FGF11: variants seen among roughly 807,000 people sequenced by gnomAD.
FGF11 encodes the protein fibroblast growth factor homologous factor 3.
A neutral mutation model predicts 25.1 loss-of-function variants in FGF11; 25 were observed. The observed-to-expected ratio is 1.00, with a 90% confidence interval of 0.73 to 1.39. FGF11 has a LOEUF of 1.39. Ranked by LOEUF, FGF11 falls within the 40% of genes most tolerant of loss-of-function variation. The pLI, the probability that FGF11 is intolerant of heterozygous loss-of-function variation, is 0.00. For synonymous variants in FGF11, 130 were observed against 128.9 expected, an observed-to-expected ratio of 1.01 and a Z score of -0.06; for missense variants, 320 against 311.0, an observed-to-expected ratio of 1.03 and a Z score of -0.22.
intron 3 of FGF11, 169 bp from the exon 4 acceptor site, chr17:7,442,425 C>T: frequency 6.9e-7 from 1 of 1,454,556 alleles, no homozygotes; most frequent in Non-Finnish European, 9.0e-7. Context: ...TCTTAGCCCT[C>T]AGCCCTCTTC....
chr17:7,441,365 C>T, intron 1 of FGF11, 106 bp from the exon 2 acceptor site: 1 of 1,484,950 alleles, frequency 6.7e-7, no homozygotes, highest in Non-Finnish European at 9.1e-7. Flanking sequence ...CCCTGGGACC[C>T]TCTTCCTTCC....
At position 7,439,578 on chromosome 17, in the gene FGF11, T is replaced by C. The variant is rs1908213463; in HGVS notation, c.-43T>C. On this transcript the variant is annotated 5_prime_UTR_variant, in exon 1 of 5. Coordinates refer to ENST00000293829, the MANE Select transcript of FGF11 (RefSeq NM_004112.4). ...GCTCCTCTGGGGGAGCCCAGCGCGC[T>C]CCGGGCGCCTGCCGGTTTGGGGGTG... 5.1e-6 allele frequency: 7 copies of C among 1,375,972 alleles called. No individual in the cohort carries two copies. In the East Asian group the frequency reaches 1.8e-4, roughly 36 times the overall value. 85.2% of individuals were successfully genotyped at this position (1,375,972 alleles called of 1,614,324 possible). A position where few individuals can be genotyped will look rare whatever the true frequency, so the allele number is the denominator to read the frequency against.
upstream of FGF11, chr17:7,439,069 A>T (rs539256637): frequency 6.6e-6 from 1 of 151,898 alleles, no homozygotes; most frequent in South Asian, 2.1e-4. Context: ...AAAGTGGGGG[A>T]TCCCCTCCAT....
rs1265398995 is a variant in FGF11, at chr17:7,443,072, AC to A, written c.608-3del. The stretch of plus-strand genomic sequence containing the variant: ...CCCTGCTCCTCTCTTTCTCCCCTTC[AC>A]AGTGGCCATGTACCAGGAGCCTTCT... On this transcript the variant is annotated splice_polypyrimidine_tract_variant and splice_region_variant and intron_variant, in intron 4 of 4. Transcript: ENST00000293829. 1 of 1,610,108 alleles carries A rather than the reference AC, an allele frequency of 6.2e-7. No homozygotes were observed. The highest frequency in any genetic ancestry group is 1.3e-5 in the African/African-American group (1 of 74,834).
upstream of FGF11, chr17:7,438,512 G>T (rs1362448054): frequency 2.6e-5 from 4 of 153,238 alleles, no homozygotes; most frequent in Admixed American, 6.5e-5. Flanking sequence ...CCCGTCGCCG[G>T]ATCAACAGGA....
Position 7,440,910 on chromosome 17 carries a change from A to T in FGF11, c.194-561A>T. ...GGCCCCCGGGAGCCAGCGGACTGAC[A>T]GACAGACAGACAGACAGACAGATGG... On this transcript the variant is annotated intron_variant, in intron 1 of 4. Transcript: ENST00000293829. This position sits in a 1 kb window ranked among gnomAD's most constrained non-coding sequence, Gnocchi z 5.4. 4 of 969,176 alleles carry T rather than the reference A, an allele frequency of 4.1e-6. No individual in the cohort carries two copies. The highest frequency in any genetic ancestry group is 4.9e-6 in the Non-Finnish European group (4 of 813,742). The allele number at this position is 969,176 out of a possible 1,614,324, so 60.0% of individuals were successfully genotyped here.
chr17:7,439,691 T>C lies in FGF11; in HGVS notation c.71T>C (p.Val24Ala). Residue 24 changes from valine to alanine, a missense_variant, in exon 1 of 5, where the codon GTG (valine) becomes GCG (alanine). Physicochemically the swap from Val to Ala is moderately conservative, Grantham distance 64. Coordinates refer to ENST00000293829, the MANE Select transcript of FGF11 (RefSeq NM_004112.4). The stretch of plus-strand genomic sequence containing the variant: ...CGCGAGCCCGGGGGCAGCCGGCCGG[T>C]GTCGGCGCAGCGGCGCGTGTGTCCC... The part of the protein sequence containing the change: ...EVREPGGSRP[V>A]SAQRRVCPRG... 6.4e-7 allele frequency: 1 copy of C among 1,553,912 alleles called. No homozygotes were observed. The highest frequency in any genetic ancestry group is 2.5e-5 in the East Asian group (1 of 39,726).
Position 7,444,018 on chromosome 17 carries a change from C to G in FGF11, c.*872C>G, listed in dbSNP as rs1044411510. 1.3e-5 allele frequency: 2 copies of G among 152,136 alleles called. No homozygotes were observed. Among genetic ancestry groups the G allele is most frequent in the African/African-American group, 2.4e-5 (1 of 41,422 alleles). The allele number at this position is 152,136 out of a possible 1,614,324, so 9.4% of individuals were successfully genotyped here. A position where few individuals can be genotyped will look rare whatever the true frequency, so the allele number is the denominator to read the frequency against. Reference sequence around the variant, plus strand: ...CACCCTCCCGCCTTCTTGAGTGATACCTATTACGGATGAGTTCTGGAAAAG... The same window carrying G: ...CACCCTCCCGCCTTCTTGAGTGATAGCTATTACGGATGAGTTCTGGAAAAG... On this transcript the variant is annotated 3_prime_UTR_variant, in exon 5 of 5. Coordinates refer to ENST00000293829, the MANE Select transcript of FGF11 (RefSeq NM_004112.4).
chr17:7,441,982 C>T (rs984521721), intron 3 of FGF11, 103 bp downstream of exon 3: 12 of 845,182 alleles, frequency 1.4e-5, no homozygotes, highest in African/African-American at 6.8e-5. Context: ...ACATTTTGCC[C>T]GGGACTCCTC....
At chr17:7,442,495 CA>C in intron 3 of FGF11, 98 bp from the exon 4 acceptor site, 1 of 1,359,640 alleles carries the variant, frequency 7.4e-7, no homozygotes, top group Admixed American at 2.0e-5. Flanking sequence ...CCCCCTCCCC[CA>C]AAAAGGATTT....
rs1597741591 is a variant in FGF11 at position 7,439,517 on chromosome 17, G to C, written c.-104G>C. The C allele has an allele frequency of 3.1e-6, 3 of 954,558 alleles. No individual in the cohort carries two copies. The highest frequency in any genetic ancestry group is 1.7e-5 in the African/African-American group (1 of 57,220). 59.1% of individuals were successfully genotyped at this position (954,558 alleles called of 1,614,324 possible). A position where few individuals can be genotyped will look rare whatever the true frequency, so the allele number is the denominator to read the frequency against. On this transcript the variant is annotated 5_prime_UTR_variant, in exon 1 of 5. Coordinates refer to ENST00000293829, the MANE Select transcript of FGF11 (RefSeq NM_004112.4). ...GGTCCTGTGGGTGGGGCAGCGAGTC[G>C]GGGCCTGAGCGTCAAGAGCATGCCC...
At position 7,443,113 on chromosome 17, in the gene FGF11, C is replaced by A. The variant is rs201355356; in HGVS notation, c.645C>A (p.Pro215=). 1.9e-4 allele frequency: 310 copies of A among 1,611,828 alleles called. No homozygotes were observed. The highest frequency in any genetic ancestry group is 2.5e-4 in the Non-Finnish European group (300 of 1,178,386). Residue 215 remains proline (P), a synonymous_variant, in exon 5 of 5, where the codon CCC becomes CCA. Transcript: ENST00000293829. ...AGGAGCCTTCTCTCCACAGTGTCCCCGAGGCCTCCCCTTCCAGTCCCCCTG... is the reference window on the plus strand; with the variant it reads ...AGGAGCCTTCTCTCCACAGTGTCCCAGAGGCCTCCCCTTCCAGTCCCCCTG... ...MYQEPSLHSV[P]EASPSSPPAP
intron 3 of FGF11, chr17:7,442,156 C>A: frequency 2.5e-6 from 1 of 394,696 alleles, no homozygotes; most frequent in Non-Finnish European, 4.5e-6. Flanking sequence ...CCACCTCCTC[C>A]AGATTTTGTC....
At chr17:7,442,976 G>A (rs1378377325) in intron 4 of FGF11, 100 bp from the exon 5 acceptor site, 1 of 1,176,832 alleles carries the variant, frequency 8.5e-7, no homozygotes, top group East Asian at 2.3e-5. Context: ...TTCTTGGAGG[G>A]TGAATGTACG....
intron 3 of FGF11, 117 bp from the exon 4 acceptor site, chr17:7,442,477 G>T: frequency 6.4e-7 from 1 of 1,552,460 alleles, no homozygotes. Context: ...GGACTCAGAA[G>T]TTGTCCTCCC....
Position 7,442,446 on chromosome 17 carries a change from C to T in FGF11, c.409-148C>T, listed in dbSNP as rs1281008234. Reference sequence around the variant, plus strand: ...CCCTCAGCCCTCTTCCTTGTCCTCCCTTTGCTCCCAGGTCCTACATGGACT... The same window carrying T: ...CCCTCAGCCCTCTTCCTTGTCCTCCTTTTGCTCCCAGGTCCTACATGGACT... On this transcript the variant is annotated intron_variant, in intron 3 of 4. Coordinates refer to ENST00000293829, the MANE Select transcript of FGF11 (RefSeq NM_004112.4). 15 of 1,496,682 alleles carry T rather than the reference C, an allele frequency of 1.0e-5. No individual in the cohort carries two copies. In the East Asian group the frequency reaches 3.5e-4, roughly 35 times the overall value. The allele number at this position is 1,496,682 out of a possible 1,614,324, so 92.7% of individuals were successfully genotyped here.
At position 7,441,887 on chromosome 17, in the gene FGF11, AAT is replaced by A. The variant is rs1340649019; in HGVS notation, c.408+9_408+10del. On this transcript the variant is annotated intron_variant, in intron 3 of 4. Coordinates refer to ENST00000293829, the MANE Select transcript of FGF11 (RefSeq NM_004112.4). ...GGACTGCTCTACAGTTCGGTGAGACAATGAGGCTGAGTGGCCGGGAAATACTG... is the reference window on the plus strand; with the variant it reads ...GGACTGCTCTACAGTTCGGTGAGACAGAGGCTGAGTGGCCGGGAAATACTG... The A allele has an allele frequency of 1.3e-6, 2 of 1,576,530 alleles. No homozygotes were observed. Among genetic ancestry groups the A allele is most frequent in the Non-Finnish European group, 1.7e-6 (2 of 1,161,830 alleles).
rs3838886 is a variant in FGF11, at chr17:7,440,220, GCC to G, written c.193+415_193+416del. On this transcript the variant is annotated intron_variant, in intron 1 of 4. Coordinates refer to ENST00000293829, the MANE Select transcript of FGF11 (RefSeq NM_004112.4). The surrounding 1 kb of genome is among the most constrained non-coding windows in gnomAD (Gnocchi z 5.4). ...AGGATTTCTGCAGCTCCAGCCGCACGCCCCCCCCCAGCCCCCGCCTGCCCCGG... is the reference window on the plus strand; with the variant it reads ...AGGATTTCTGCAGCTCCAGCCGCACGCCCCCCCAGCCCCCGCCTGCCCCGG... 8 of 155,714 alleles carry G rather than the reference GCC, an allele frequency of 5.1e-5. No homozygotes were observed. The highest frequency in any genetic ancestry group is 9.7e-5 in the Non-Finnish European group (7 of 72,230). 9.6% of individuals were successfully genotyped at this position (155,714 alleles called of 1,614,324 possible).
At position 7,442,796 on chromosome 17, in the gene FGF11, G is replaced by C. The variant is rs1908395976; in HGVS notation, c.607+4G>C. 1 of 1,613,696 alleles carries C rather than the reference G, an allele frequency of 6.2e-7. No individual in the cohort carries two copies. Among genetic ancestry groups the C allele is most frequent in the Non-Finnish European group, 8.5e-7 (1 of 1,179,878 alleles). On this transcript the variant is annotated splice_donor_region_variant and intron_variant, in intron 4 of 4. Coordinates refer to ENST00000293829, the MANE Select transcript of FGF11 (RefSeq NM_004112.4). ...TTTCTGCCCAAGCTCCTGGAGGGTG[G>C]GTATAGACTCAAGAAAATGTGGGCC... is the stretch of plus-strand genomic sequence containing the variant.
Sources: allele counts gnomAD v4.1 joint callset, GRCh38; gene constraint gnomAD v4.1.1; non-coding constraint Gnocchi (gnomAD v3.1); transcripts MANE v1.5; gene names NCBI Gene and HGNC (gene_info 2026-07-23, HGNC 2026-07-21).